SOD2: variants seen among roughly 807,000 people sequenced by gnomAD.
SOD2 encodes the protein superoxide dismutase 2.
SOD2 carries 11 observed loss-of-function variants against 27.0 expected under a neutral mutation model. That is an observed-to-expected ratio of 0.41 (90% confidence interval 0.26 to 0.67). The LOEUF is 0.67. Ranked by LOEUF, SOD2 falls within the 30% of genes least tolerant of loss-of-function variation. SOD2 has a pLI of 0.34. For synonymous variants in SOD2, 105 were observed against 103.0 expected (o/e 1.02, Z -0.12); for missense variants, 250 against 274.5 (o/e 0.91, Z 0.63).
chr6:159,711,559 A>G (rs62437329), intron 1 of SOD2, among the ~76,000 whole-genome samples: 1,741 of 43,128 alleles, frequency 0.04, 14 homozygotes, highest in African/African-American at 0.091. Flanking sequence ...CACCATAACC[A>G]CCTCCACAAC....
At chr6:159,712,459 A>C (rs202118525) in intron 1 of SOD2, among the ~76,000 whole-genome samples, 342 of 26,582 alleles carry the variant, frequency 0.013, 47 homozygotes, top group Admixed American at 0.019. Context: ...TCAGACCTCC[A>C]TAACCACCTC....
intron 1 of SOD2, among the ~76,000 whole-genome samples, chr6:159,712,484 AG>A (rs1237714278): frequency 1.1e-4 from 4 of 37,864 alleles, no homozygotes; most frequent in Admixed American, 1.0e-3. Flanking sequence ...ACCACCACTC[AG>A]CTGCTCTGAC....
In SOD2 at chr6:159,679,846, G is replaced by T. The variant is rs1378288839; in HGVS notation, c.*2647C>A. On this transcript the variant is annotated 3_prime_UTR_variant, in exon 5 of 5. Coordinates refer to ENST00000538183, the MANE Select transcript of SOD2 (RefSeq NM_000636.4). Reference sequence around the variant, plus strand: ...GGGTTTCACCACGTTGGCCACGCTGGTCTTGAACTCCTTCAAGTGTTCTGC... The same window carrying T: ...GGGTTTCACCACGTTGGCCACGCTGTTCTTGAACTCCTTCAAGTGTTCTGC... 1 of 151,958 alleles carries T rather than the reference G, an allele frequency of 6.6e-6. No individual in the cohort carries two copies. 9.4% of individuals were successfully genotyped at this position (151,958 alleles called of 1,614,324 possible).
intron 1 of SOD2, among the ~76,000 whole-genome samples, chr6:159,721,075 A>AT (rs1170952564): frequency 4.4e-4 from 58 of 133,062 alleles, no homozygotes; most frequent in African/African-American, 7.5e-4. Flanking sequence ...ATATTTTTTA[A>AT]TTTTTTTTTT....
chr6:159,708,488 GAACA>G (rs1052470081), intron 1 of SOD2, among the ~76,000 whole-genome samples: 1 of 152,136 alleles, frequency 6.6e-6, no homozygotes, highest in African/African-American at 2.4e-5. Flanking sequence ...GACAAACGGA[GAACA>G]AAATCATGAG....
intron 1 of SOD2, chr6:159,753,278 T>C: frequency 1.2e-6 from 1 of 854,994 alleles, no homozygotes; most frequent in Non-Finnish European, 1.8e-6. Context: ...TTTACTGCTG[T>C]GTTGGCAAAA....
chr6:159,749,806 G>A (rs181592363), upstream of SOD2, among the ~76,000 whole-genome samples: 8 of 152,296 alleles, frequency 5.3e-5, no homozygotes, highest in East Asian at 1.5e-3. Flanking sequence ...TTAGATAAAT[G>A]AGGCATTATT....
In SOD2 at chr6:159,671,438, T is replaced by C. The variant is rs542869856; in HGVS notation, c.*11055A>G. 1.3e-5 allele frequency: 2 copies of C among 152,424 alleles called. No homozygotes were observed. The highest frequency in any genetic ancestry group is 4.8e-5 in the African/African-American group (2 of 41,564). 9.4% of individuals were successfully genotyped at this position (152,424 alleles called of 1,614,324 possible). A position where few individuals can be genotyped will look rare whatever the true frequency, so the allele number is the denominator to read the frequency against. On this transcript the variant is annotated 3_prime_UTR_variant, in exon 5 of 5. Coordinates refer to ENST00000538183, the MANE Select transcript of SOD2 (RefSeq NM_000636.4). Reference sequence around the variant, plus strand: ...GGCAGCAACATTTGCTGTTCAGCAATATTCGCTGTTCTACAGCCTCCACTG... The same window carrying C: ...GGCAGCAACATTTGCTGTTCAGCAACATTCGCTGTTCTACAGCCTCCACTG...
chr6:159,699,535 C>T (rs1330739801), intron 1 of SOD2, among the ~76,000 whole-genome samples: 1 of 152,078 alleles, frequency 6.6e-6, no homozygotes, highest in African/African-American at 2.4e-5. Context: ...ATGGACACCA[C>T]CTCTTCCCCA....
At chr6:159,747,022 G>A (rs2114941182), upstream of SOD2, among the ~76,000 whole-genome samples, 1 of 152,256 alleles carries the variant, frequency 6.6e-6, no homozygotes, top group South Asian at 2.1e-4. Context: ...CATTGACTAT[G>A]CAGTTGTACT....
At chr6:159,701,678 A>G (rs924033311) in intron 1 of SOD2, among the ~76,000 whole-genome samples, 1 of 152,104 alleles carries the variant, frequency 6.6e-6, no homozygotes, top group Admixed American at 6.6e-5. Context: ...AAGGAATATC[A>G]CTTCATGATC....
At chr6:159,702,832 A>AAGAGTGAAGGGCTTCTGTTTTTGTAT in intron 1 of SOD2, among the ~76,000 whole-genome samples, 1 of 133,446 alleles carries the variant, frequency 7.5e-6, no homozygotes, top group East Asian at 2.4e-4. Context: ...CCTGGGCGAC[A>AAGAGTGAAGGGCTTCTGTTTTTGTAT]GAGCAAGACC....
chr6:159,677,166 A>G lies in SOD2; in HGVS notation c.*5327T>C, dbSNP rs545665328. 1.6e-4 allele frequency: 25 copies of G among 152,342 alleles called. No individual in the cohort carries two copies. Among genetic ancestry groups the G allele is most frequent in the African/African-American group, 5.3e-4 (22 of 41,582 alleles). The allele number at this position is 152,342 out of a possible 1,614,324, so 9.4% of individuals were successfully genotyped here. On this transcript the variant is annotated 3_prime_UTR_variant, in exon 5 of 5. Transcript: ENST00000538183. ...GGAGCACAAATTATAGTGGGCAGAGAGGCAAACTTGGAATCACCGTGACGC... is the reference window on the plus strand; with the variant it reads ...GGAGCACAAATTATAGTGGGCAGAGGGGCAAACTTGGAATCACCGTGACGC...
exon 1 of SOD2, chr6:159,762,096 A>G (rs1304919659): frequency 6.2e-7 from 1 of 1,613,070 alleles, no homozygotes; most frequent in East Asian, 2.2e-5. Context: ...AGATGAATGC[A>G]GGCTCAGATC....
chr6:159,693,122 G>A, intron 1 of SOD2, 23 bp downstream of exon 1: 3 of 1,528,504 alleles, frequency 2.0e-6, no homozygotes, highest in African/African-American at 1.4e-5. Flanking sequence ...TTGGGGCCGT[G>A]ACCGGGTCCC....
At chr6:159,739,000 G>A (rs1779085150) in intron 1 of SOD2, 2 of 1,611,762 alleles carry the variant, frequency 1.2e-6, no homozygotes, top group African/African-American at 2.7e-5. Flanking sequence ...GTTCGATTGA[G>A]TGAAACAGAC....
chr6:159,761,835 C>CCGCCCCGCGCCCCG (rs1226512570), exon 1 of SOD2: 3 of 219,248 alleles, frequency 1.4e-5, no homozygotes, highest in Admixed American at 5.9e-5. Context: ...GGCCTCACTT[C>CCGCCCCGCGCCCCG]CGCCCCGCGC....
At chr6:159,745,257 T>G (rs1779506742), upstream of SOD2, 1 of 152,240 alleles carries the variant, frequency 6.6e-6, no homozygotes, top group Non-Finnish European at 1.5e-5. Context: ...ATAGTTGATG[T>G]GTGCACATCA....
At chr6:159,724,203 G>C (rs1243635148) in intron 1 of SOD2, among the ~76,000 whole-genome samples, 3 of 151,980 alleles carry the variant, frequency 2.0e-5, no homozygotes, top group Non-Finnish European at 4.4e-5. Flanking sequence ...TGTTGCCCAG[G>C]CTGGTCTCAA....
Sources: gnomAD v4.1 joint callset for allele counts (sites outside exome capture counted in the v4.1 genomes callset) on GRCh38, gnomAD v4.1.1 for gene constraint, MANE v1.5 for transcripts, NCBI Gene and HGNC (gene_info 2026-07-23, HGNC 2026-07-21) for gene names.